Variants in CERT1 observed in about 807,000 individuals in gnomAD.
The protein encoded by CERT1 is ceramide transporter 1, also known as ceramide transfer protein.
Under a neutral mutation model 87.9 loss-of-function variants are expected in CERT1, and 31 were observed. That is an observed-to-expected ratio of 0.35 (90% CI 0.27 to 0.48). The LOEUF is 0.48. Ranked by LOEUF, CERT1 falls within the 20% of genes least tolerant of loss-of-function variation. The pLI is 0.99. For synonymous variants in CERT1, 289 were observed against 250.9 expected, an observed-to-expected ratio of 1.15 and a Z score of -1.44; for missense variants, 487 against 758.0, an observed-to-expected ratio of 0.64 and a Z score of 4.20.
chr5:75,501,220 C>G lies in CERT1; in HGVS notation c.231+4762G>C, dbSNP rs145342047. Among the ~76,000 whole-genome samples the G allele has an allele frequency of 4.6e-3, 708 of 152,262 alleles. 4 individuals are homozygous for G. The highest frequency in any genetic ancestry group is 0.02 in the Middle Eastern group (6 of 294). On this transcript the variant is annotated intron_variant, in intron 2 of 16. Coordinates refer to ENST00000643780, the MANE Select transcript of CERT1 (RefSeq NM_001379029.1). ...TAATTTTTCCAAGATCTTTCAACTT[C>G]CGCTCTTGCAGCAACCCCCTACCTC...
At chr5:75,505,516 A>T (rs1297871051) in intron 2 of CERT1, 2 of 152,226 alleles carry the variant, frequency 1.3e-5, no homozygotes, top group African/African-American at 4.8e-5. Context: ...CAAAACTGTA[A>T]ATAGCAAATC....
Position 75,403,227 on chromosome 5 carries a change from C to CAT in CERT1, c.931-170_931-169insAT, listed in dbSNP as rs368617831. Among the ~76,000 whole-genome samples, 317 of 152,076 alleles carry CAT rather than the reference C, an allele frequency of 2.1e-3. 1 individual carries two copies. The East Asian group carries it at 0.027, about 13-fold the overall frequency. ...CATATGCATGCTCTGTGTAAAATCA[C>CAT]GAGTGTTACAATTAATTCACTCAGT... On this transcript the variant is annotated intron_variant, in intron 8 of 16. Coordinates refer to ENST00000643780, the MANE Select transcript of CERT1 (RefSeq NM_001379029.1).
Position 75,384,655 on chromosome 5 carries a change from T to G in CERT1, c.1475A>C (p.Tyr492Ser). ...AGAGATCTTTACCTTGTGTGTTTGATAAATGATGATTGCATTATCAGCTAA... is the reference window on the plus strand; with the variant it reads ...AGAGATCTTTACCTTGTGTGTTTGAGAAATGATGATTGCATTATCAGCTAA... ...ETLADNAIII[Y>S]QTHKRVWPAS... Residue 492 changes from tyrosine to serine, a missense_variant, in exon 14 of 17, where the codon TAT becomes TCT. Physicochemically the swap from Tyr to Ser is moderately radical, Grantham distance 144. Around this residue, in one of 8 missense-constraint regions of CERT1, gnomAD observed 147 missense variants for 200.8 expected, o/e 0.73. Coordinates refer to ENST00000643780, the MANE Select transcript of CERT1 (RefSeq NM_001379029.1). 1 of 1,604,748 alleles carries G rather than the reference T, an allele frequency of 6.2e-7. No individual in the cohort carries two copies. Among genetic ancestry groups the G allele is most frequent in the Non-Finnish European group, 8.5e-7 (1 of 1,171,914 alleles).
rs1031366422 is a variant in CERT1 at position 75,426,537 on chromosome 5, A to G, written c.349-59T>C. The stretch of plus-strand genomic sequence containing the variant: ...TAAATAAAAAATACTTGAGAAAACA[A>G]AAGGTTTCCTATGAATTAACAAGGT... On this transcript the variant is annotated intron_variant, in intron 3 of 16. Coordinates refer to ENST00000643780, the MANE Select transcript of CERT1 (RefSeq NM_001379029.1). 9.2e-5 allele frequency: 115 copies of G among 1,245,600 alleles called. 1 individual carries two copies. The highest frequency in any genetic ancestry group is 7.0e-6 in the Non-Finnish European group (6 of 863,106). The allele number at this position is 1,245,600 out of a possible 1,614,324, so 77.2% of individuals were successfully genotyped here. A position where few individuals can be genotyped will look rare whatever the true frequency, so the allele number is the denominator to read the frequency against.
intron 3 of CERT1, among the ~76,000 whole-genome samples, chr5:75,436,978 G>T (rs1381092205): frequency 6.6e-6 from 1 of 152,036 alleles, no homozygotes; most frequent in African/African-American, 2.4e-5. Flanking sequence ...TAAAGACGGG[G>T]TCTTATTACG....
chr5:75,387,079 A>G (rs4704214), intron 12 of CERT1, among the ~76,000 whole-genome samples: 35,585 of 151,760 alleles, frequency 0.23, 4,303 homozygotes, highest in South Asian at 0.43. Context: ...ATGTTGGCCA[A>G]GCTGGTCTCA....
intron 3 of CERT1, among the ~76,000 whole-genome samples, chr5:75,434,402 T>C (rs1013398562): frequency 2.0e-5 from 3 of 152,110 alleles, no homozygotes; most frequent in African/African-American, 7.2e-5. Flanking sequence ...TTTGCTAATA[T>C]TTTGCTGAGG....
At chr5:75,440,901 T>C (rs1377241782) in intron 3 of CERT1, among the ~76,000 whole-genome samples, 1 of 152,144 alleles carries the variant, frequency 6.6e-6, no homozygotes, top group Non-Finnish European at 1.5e-5. Context: ...GATTACATAA[T>C]ATCATATACC....
chr5:75,436,179 T>C (rs112635930), intron 3 of CERT1, among the ~76,000 whole-genome samples: 49,645 of 151,896 alleles, frequency 0.33, 9,364 homozygotes, highest in African/African-American at 0.53. Flanking sequence ...ACTACAGACG[T>C]CCGCTACCAT....
At chr5:75,405,253 C>G (rs1030170910) in intron 8 of CERT1, among the ~76,000 whole-genome samples, 3 of 152,126 alleles carry the variant, frequency 2.0e-5, no homozygotes, top group African/African-American at 7.2e-5. Flanking sequence ...GAGTTCTCTA[C>G]CCTTAGATTC....
rs1263878640 is a variant in CERT1, at chr5:75,459,153, T to C, written c.260A>G (p.Asp87Gly). The change falls in exon 3 of 17, where the codon GAT (aspartate) becomes GGT (glycine). Residue 87 changes from aspartate to glycine, a missense_variant. By Grantham distance (94) the Asp-to-Gly change is moderately conservative. This residue lies in a region of CERT1 where 173 missense variants were observed against 302.2 expected (regional missense o/e 0.57). Transcript: ENST00000643780. ...CCAAACACTATCATTTACACTAATA[T>C]CAAATCGACATTCATCAAAATCGTG... Reference protein sequence around the residue: ...TPHDFDECRFDISVNDSVWYL... With the variant: ...TPHDFDECRFGISVNDSVWYL... The C allele has an allele frequency of 6.2e-7, 1 of 1,611,620 alleles. No homozygotes were observed. Among genetic ancestry groups the C allele is most frequent in the Non-Finnish European group, 8.5e-7 (1 of 1,177,796 alleles).
intron 3 of CERT1, among the ~76,000 whole-genome samples, chr5:75,457,707 G>C (rs534760607): frequency 1.3e-5 from 2 of 152,094 alleles, no homozygotes; most frequent in African/African-American, 2.4e-5. Context: ...GATTGATAAA[G>C]AAGTATGCAA....
intron 8 of CERT1, among the ~76,000 whole-genome samples, chr5:75,407,518 GA>G (rs962011020): frequency 1.7e-4 from 24 of 143,634 alleles, no homozygotes; most frequent in Non-Finnish European, 2.4e-4. Flanking sequence ...AATCAATAGG[GA>G]AAAAAAACCC....
chr5:75,407,782 G>A (rs1207682164), intron 8 of CERT1, among the ~76,000 whole-genome samples: 1 of 150,250 alleles, frequency 6.7e-6, no homozygotes, highest in Non-Finnish European at 1.5e-5. Context: ...AGGCTGGGAT[G>A]TAACAAAAGC....
chr5:75,425,525 T>C (rs758104037), intron 4 of CERT1, 26 bp from the exon 5 acceptor site: 2 of 1,608,054 alleles, frequency 1.2e-6, no homozygotes, highest in South Asian at 2.2e-5. Context: ...TAGGGGGATG[T>C]AATTCAAGTA....
chr5:75,458,817 T>A (rs919241418), intron 3 of CERT1, among the ~76,000 whole-genome samples: 3 of 152,206 alleles, frequency 2.0e-5, no homozygotes, highest in African/African-American at 7.2e-5. Flanking sequence ...CCCAAAGTGC[T>A]GGGAATACAG....
chr5:75,457,311 TTAC>T, intron 3 of CERT1, among the ~76,000 whole-genome samples: 3 of 152,310 alleles, frequency 2.0e-5, no homozygotes, highest in Admixed American at 2.0e-4. Context: ...CATTTATGTC[TTAC>T]TACTACTTTG....
In CERT1 at chr5:75,504,150, G is replaced by A. The variant is rs1011101112; in HGVS notation, c.231+1832C>T. Among the ~76,000 whole-genome samples, 4 of 152,040 alleles carry A rather than the reference G, an allele frequency of 2.6e-5. No homozygotes were observed. In the South Asian group the frequency reaches 8.3e-4, roughly 32 times the overall value. On this transcript the variant is annotated intron_variant, in intron 2 of 16. Transcript: ENST00000643780. ...CCAATAATAATACGCAAAAGAAGGG[G>A]AGTGGAGGATCAAGGAAAAACACTT...
chr5:75,485,271 G>A (rs1369210147), intron 2 of CERT1, among the ~76,000 whole-genome samples: 2 of 121,774 alleles, frequency 1.6e-5, no homozygotes, highest in Non-Finnish European at 3.2e-5. Flanking sequence ...AGTTCAAGAT[G>A]AGCCTGAGCA....
Sources: allele counts gnomAD v4.1 joint callset (sites outside exome capture counted in the v4.1 genomes callset), GRCh38; gene constraint gnomAD v4.1.1; regional missense constraint gnomAD v4.1.1; transcripts MANE v1.5; gene names NCBI Gene and HGNC (gene_info 2026-07-23, HGNC 2026-07-21).